Variants in DLG2 observed in about 807,000 individuals in gnomAD.
DLG2 encodes discs large MAGUK scaffold protein 2.
Under a neutral mutation model 132.5 loss-of-function variants are expected in DLG2, and 45 were observed. That is an observed-to-expected ratio of 0.34 (90% CI 0.27 to 0.44). The LOEUF (loss-of-function observed/expected upper bound fraction) is 0.44, where lower values mean the gene tolerates loss of function less well. Ranked by LOEUF, DLG2 falls within the 20% of genes least tolerant of loss-of-function variation. The pLI is 1.00. For synonymous variants in DLG2, 424 were observed against 419.6 expected (o/e 1.01, Z -0.13); for missense variants, 1,045 against 1,196.9 (o/e 0.87, Z 1.87).
At chr11:84,764,522 C>A (rs1404974145) in intron 6 of DLG2, among the ~76,000 whole-genome samples, 2 of 152,102 alleles carry the variant, frequency 1.3e-5, no homozygotes, top group African/African-American at 4.8e-5. Flanking sequence ...ATCCTCACAA[C>A]AGTCCTATCA....
At chr11:84,242,799 G>A (rs1037864530) in intron 8 of DLG2, among the ~76,000 whole-genome samples, 3 of 152,102 alleles carry the variant, frequency 2.0e-5, no homozygotes, top group Admixed American at 6.5e-5. Context: ...GCCTCCATGT[G>A]TATCATGTTT....
At chr11:85,519,500 C>T (rs1431611029) in intron 3 of DLG2, among the ~76,000 whole-genome samples, 3 of 152,158 alleles carry the variant, frequency 2.0e-5, no homozygotes, top group East Asian at 1.9e-4. Flanking sequence ...TTACCCAATA[C>T]CTGTACCCCT....
intron 6 of DLG2, among the ~76,000 whole-genome samples, chr11:84,765,527 G>A (rs1287163373): frequency 6.6e-6 from 1 of 151,966 alleles, no homozygotes; most frequent in Non-Finnish European, 1.5e-5. Context: ...ACAAACTACT[G>A]AAAAATATCA....
chr11:83,757,635 A>G (rs776730069), intron 18 of DLG2, among the ~76,000 whole-genome samples: 5 of 152,202 alleles, frequency 3.3e-5, no homozygotes, highest in Admixed American at 3.3e-4. Flanking sequence ...GATCAGAAAC[A>G]GGGATCCTGA....
At chr11:84,491,107 G>C (rs1429608359) in intron 7 of DLG2, among the ~76,000 whole-genome samples, 1 of 152,042 alleles carries the variant, frequency 6.6e-6, no homozygotes, top group African/African-American at 2.4e-5. Flanking sequence ...GGAAGAGGTA[G>C]AATGTCAGAG....
At chr11:84,066,719 C>T (rs1246183253) in intron 10 of DLG2, among the ~76,000 whole-genome samples, 1 of 151,952 alleles carries the variant, frequency 6.6e-6, no homozygotes, top group African/African-American at 2.4e-5. Context: ...CGAGATCGTG[C>T]CACTGCACTC....
intron 3 of DLG2, among the ~76,000 whole-genome samples, chr11:85,384,921 T>C (rs148697205): frequency 5.4e-4 from 83 of 152,322 alleles, no homozygotes; most frequent in African/African-American, 1.9e-3. Flanking sequence ...TTGAAGATTA[T>C]AATATTTAGG....
intron 6 of DLG2, among the ~76,000 whole-genome samples, chr11:84,636,993 G>A (rs957834664): frequency 2.0e-5 from 3 of 151,528 alleles, no homozygotes; most frequent in Non-Finnish European, 4.4e-5. Flanking sequence ...TCGCCATGTT[G>A]GCCAGGCTGG....
intron 6 of DLG2, among the ~76,000 whole-genome samples, chr11:84,934,506 T>TTTG (rs2048466664): frequency 1.4e-5 from 1 of 72,918 alleles, no homozygotes; most frequent in Non-Finnish European, 2.4e-5. Flanking sequence ...TCCTGGGTGT[T>TTTG]TTTTTTTTGT....
intron 8 of DLG2, among the ~76,000 whole-genome samples, chr11:84,195,825 T>G (rs2096505288): frequency 6.6e-6 from 1 of 152,206 alleles, no homozygotes; most frequent in Admixed American, 6.5e-5. Flanking sequence ...ATAATTATAA[T>G]AAATTATGTG....
chr11:85,007,862 A>G (rs1168510748), intron 6 of DLG2, among the ~76,000 whole-genome samples: 3 of 151,954 alleles, frequency 2.0e-5, no homozygotes, highest in African/African-American at 2.4e-5. Flanking sequence ...TAATTCCTCA[A>G]TGAAAGGACA....
At chr11:85,488,509 T>C (rs1382347193) in intron 3 of DLG2, among the ~76,000 whole-genome samples, 1 of 152,194 alleles carries the variant, frequency 6.6e-6, no homozygotes, top group Non-Finnish European at 1.5e-5. Context: ...AAACCTCTTT[T>C]TCTTCCCAGT....
intron 9 of DLG2, among the ~76,000 whole-genome samples, chr11:84,162,646 T>A (rs77953844): frequency 0.02 from 3,049 of 152,174 alleles, 100 homozygotes; most frequent in African/African-American, 0.07. Context: ...TTTTAAAGGC[T>A]TTTAATCTAT....
intron 3 of DLG2, among the ~76,000 whole-genome samples, chr11:85,429,475 A>G (rs2091013182): frequency 6.6e-6 from 1 of 152,246 alleles, no homozygotes; most frequent in African/African-American, 2.4e-5. Flanking sequence ...CAAAGGGCTG[A>G]TATGCAGAAT....
chr11:83,757,259 G>A (rs933307732), intron 18 of DLG2, among the ~76,000 whole-genome samples: 3 of 152,170 alleles, frequency 2.0e-5, no homozygotes, highest in African/African-American at 7.2e-5. Flanking sequence ...TCCAGAGCTA[G>A]GGCTCTTCTG....
intron 6 of DLG2, chr11:84,887,189 A>G (rs912255973): frequency 3.9e-5 from 6 of 152,122 alleles, no homozygotes; most frequent in African/African-American, 1.4e-4. Flanking sequence ...TCATGCTCAA[A>G]TCTTGAAGAA....
chr11:85,613,055 C>T (rs931132209), intron 2 of DLG2, among the ~76,000 whole-genome samples: 4 of 152,106 alleles, frequency 2.6e-5, no homozygotes, highest in African/African-American at 7.2e-5. Flanking sequence ...TGCTGTCCGG[C>T]GTTTATAGGA....
At chr11:83,851,647 C>T (rs558749726) in intron 16 of DLG2, among the ~76,000 whole-genome samples, 11 of 149,130 alleles carry the variant, frequency 7.4e-5, no homozygotes, top group Middle Eastern at 3.6e-3. Flanking sequence ...AAAGGCGGGG[C>T]GTGGTGGCTC....
chr11:84,174,014 C>CTTTTTTTTTTTTTTTTTTTTTTTTTTTT (rs11338428), intron 8 of DLG2, among the ~76,000 whole-genome samples: 4 of 61,202 alleles, frequency 6.5e-5, no homozygotes, highest in African/African-American at 2.6e-4. Context: ...ACCCCCCGGC[C>CTTTTTTTTTTTTTTTTTTTTTTTTTTTT]TTTTTTTTTT....
Sources: gnomAD v4.1 joint callset for allele counts (sites outside exome capture counted in the v4.1 genomes callset) on GRCh38, gnomAD v4.1.1 for gene constraint, MANE v1.5 for transcripts, NCBI Gene and HGNC (gene_info 2026-07-23, HGNC 2026-07-21) for gene names.